PPA2: variants seen among roughly 807,000 people sequenced by gnomAD.
PPA2 encodes inorganic pyrophosphatase 2, mitochondrial.
A neutral mutation model predicts 49.5 loss-of-function variants in PPA2; 48 were observed. The observed-to-expected ratio is 0.97, with a 90% CI of 0.77 to 1.23. PPA2 has a LOEUF of 1.23. Ranked by LOEUF, PPA2 falls within the 50% of genes most tolerant of loss-of-function variation. The pLI is 0.00. For missense variants in PPA2, 429 were observed against 410.1 expected (o/e 1.05, Z -0.40); for synonymous variants, 131 against 139.9 (o/e 0.94, Z 0.45).
Position 105,438,041 on chromosome 4 carries a change from A to G in PPA2, c.442-5T>C. ...TTCATGGGGATCTTCCCAAGTCTAA[A>G]ATTTTTTTTTTAAAAAAAAGCAGAA... On this transcript the variant is annotated splice_polypyrimidine_tract_variant and splice_region_variant and intron_variant, in intron 5 of 11. Transcript: ENST00000341695. The G allele has an allele frequency of 6.3e-7, 1 of 1,589,736 alleles. No individual in the cohort carries two copies. The highest frequency in any genetic ancestry group is 1.2e-5 in the South Asian group (1 of 86,864).
intron 7 of PPA2, among the ~76,000 whole-genome samples, chr4:105,408,536 AG>A (rs1476206355): frequency 6.6e-6 from 1 of 152,208 alleles, no homozygotes; most frequent in Admixed American, 6.5e-5. Flanking sequence ...TTAACACAAT[AG>A]GAAGAAGGAG....
At chr4:105,460,838 C>T (rs111910134) in intron 1 of PPA2, among the ~76,000 whole-genome samples, 1,798 of 136,048 alleles carry the variant, frequency 0.013, 24 homozygotes, top group Middle Eastern at 0.038. Flanking sequence ...AAGCCCAATA[C>T]TTATTAAGAT....
At chr4:105,448,677 A>G (rs1007004505) in intron 4 of PPA2, among the ~76,000 whole-genome samples, 5 of 152,006 alleles carry the variant, frequency 3.3e-5, no homozygotes, top group African/African-American at 9.7e-5. Context: ...AATAAAATCT[A>G]AAGGAGAATT....
chr4:105,474,022 G>A lies in PPA2; in HGVS notation c.29C>T (p.Thr10Met), dbSNP rs764640799. Reference protein sequence around the residue: MSALLRLLRTGAPAAACLRL... With the variant: MSALLRLLRMGAPAAACLRL... ...CAGGCACGCAGCGGCTGGGGCACCC[G>A]TGCGCAGCAGCCGCAGCAGCGCGCT... is the stretch of plus-strand genomic sequence containing the variant. Residue 10 changes from threonine (T) to methionine (M), a missense_variant, in exon 1 of 12, where the codon ACG (threonine) becomes ATG (methionine). Transcript: ENST00000341695. 1.9e-6 allele frequency: 3 copies of A among 1,599,216 alleles called. No individual in the cohort carries two copies. The highest frequency in any genetic ancestry group is 1.1e-5 in the South Asian group (1 of 89,706).
intron 6 of PPA2, among the ~76,000 whole-genome samples, chr4:105,433,581 T>C (rs1388148437): frequency 2.6e-5 from 4 of 152,206 alleles, no homozygotes; most frequent in African/African-American, 2.4e-5. Flanking sequence ...CAGGGGTTAA[T>C]AGCTAAAGCT....
intron 9 of PPA2, among the ~76,000 whole-genome samples, 165 bp downstream of exon 9, chr4:105,396,084 A>G (rs1231744854): frequency 6.6e-6 from 1 of 152,172 alleles, no homozygotes; most frequent in Non-Finnish European, 1.5e-5. Flanking sequence ...GATCACGTCA[A>G]TTCCTAGTTT....
intron 10 of PPA2, among the ~76,000 whole-genome samples, chr4:105,383,724 T>C (rs1733581726): frequency 6.6e-6 from 1 of 152,180 alleles, no homozygotes; most frequent in Non-Finnish European, 1.5e-5. Context: ...TACAGATAAG[T>C]CTCAAGATAA....
chr4:105,379,622 C>A (rs1348408870), intron 10 of PPA2, among the ~76,000 whole-genome samples: 1 of 139,814 alleles, frequency 7.2e-6, no homozygotes, highest in Admixed American at 7.9e-5. Flanking sequence ...CGCCACCACG[C>A]CTGGCTAATT....
intron 11 of PPA2, 158 bp downstream of exon 11, chr4:105,370,679 T>C: frequency 1.1e-6 from 1 of 924,234 alleles, no homozygotes; most frequent in Non-Finnish European, 1.3e-6. Context: ...TAGAAAATAT[T>C]TCATCTGAAA....
At chr4:105,370,523 T>G in intron 11 of PPA2, 1 of 825,634 alleles carries the variant, frequency 1.2e-6, no homozygotes, top group South Asian at 5.5e-5. Context: ...ATGTAAGAGT[T>G]TTTTTTTAAT....
intron 6 of PPA2, among the ~76,000 whole-genome samples, chr4:105,427,801 C>T (rs1232634508): frequency 1.3e-5 from 2 of 152,124 alleles, no homozygotes; most frequent in Non-Finnish European, 2.9e-5. Context: ...GAGAACTTCC[C>T]CAACCTAGCA....
At chr4:105,410,940 G>C (rs1480300505) in intron 7 of PPA2, among the ~76,000 whole-genome samples, 1 of 152,134 alleles carries the variant, frequency 6.6e-6, no homozygotes, top group Non-Finnish European at 1.5e-5. Flanking sequence ...GGAATAACCG[G>C]TACCAGCCAC....
At chr4:105,405,678 T>G in intron 7 of PPA2, 5 of 972,208 alleles carry the variant, frequency 5.1e-6, no homozygotes, top group Non-Finnish European at 6.2e-6. Context: ...GGAGGGGCAC[T>G]AAATTCGTGT....
At chr4:105,376,417 T>G (rs1733253578) in intron 10 of PPA2, among the ~76,000 whole-genome samples, 1 of 152,304 alleles carries the variant, frequency 6.6e-6, no homozygotes, top group East Asian at 1.9e-4. Context: ...AATTCCCCCT[T>G]GACTTTTTTA....
chr4:105,390,988 T>C (rs1733893315), intron 9 of PPA2, among the ~76,000 whole-genome samples: 1 of 151,854 alleles, frequency 6.6e-6, no homozygotes, highest in African/African-American at 2.4e-5. Context: ...ATATACATCA[T>C]AGGATACTAC....
intron 2 of PPA2, among the ~76,000 whole-genome samples, chr4:105,454,326 T>C (rs142685674): frequency 4.6e-5 from 7 of 151,930 alleles, no homozygotes; most frequent in African/African-American, 9.7e-5. Context: ...GTTGTTGTTG[T>C]TGTTGTTGTT....
chr4:105,421,381 T>C (rs1241834943), intron 7 of PPA2, among the ~76,000 whole-genome samples: 3 of 152,184 alleles, frequency 2.0e-5, no homozygotes, highest in Non-Finnish European at 2.9e-5. Context: ...AGAAAAACTT[T>C]ACTTTCATTT....
intron 7 of PPA2, among the ~76,000 whole-genome samples, chr4:105,403,916 T>G (rs1183584503): frequency 2.0e-5 from 3 of 151,766 alleles, no homozygotes; most frequent in African/African-American, 4.8e-5. Flanking sequence ...TTTTTTTTTT[T>G]GAATCCAAAA....
At chr4:105,390,629 G>T (rs956814220) in intron 9 of PPA2, among the ~76,000 whole-genome samples, 5 of 152,170 alleles carry the variant, frequency 3.3e-5, no homozygotes, top group African/African-American at 1.2e-4. Flanking sequence ...CATGAATGGC[G>T]ATTACTAAAA....
Sources: allele counts gnomAD v4.1 joint callset (sites outside exome capture counted in the v4.1 genomes callset), GRCh38; gene constraint gnomAD v4.1.1; transcripts MANE v1.5; gene names NCBI Gene and HGNC (gene_info 2026-07-23, HGNC 2026-07-21).